GRIK2: variants seen among roughly 807,000 people sequenced by gnomAD.
The protein encoded by GRIK2 is glutamate ionotropic receptor kainate type subunit 2.
GRIK2 carries 32 observed loss-of-function variants against 100.3 expected under a neutral mutation model. The ratio of observed to expected loss-of-function variants is 0.32; its 90% CI spans 0.24 to 0.43. The LOEUF is 0.43. GRIK2 is among the 20% of genes least tolerant of loss of function. The pLI is 1.00. For synonymous variants in GRIK2, 417 were observed against 389.4 expected, an observed-to-expected ratio of 1.07 and a Z score of -0.83; for missense variants, 843 against 1,114.9, an observed-to-expected ratio of 0.76 and a Z score of 3.47.
chr6:101,421,143 C>T (rs964410965), intron 2 of GRIK2, among the ~76,000 whole-genome samples: 2 of 152,168 alleles, frequency 1.3e-5, no homozygotes, highest in African/African-American at 4.8e-5. Context: ...TGGGACAACT[C>T]GGGATGTCTA....
intron 2 of GRIK2, among the ~76,000 whole-genome samples, chr6:101,451,138 T>A (rs1326160428): frequency 6.6e-6 from 1 of 151,748 alleles, no homozygotes; most frequent in Admixed American, 6.6e-5. Context: ...CTTCTCAAAC[T>A]CCTTATCCTG....
intron 1 of GRIK2, among the ~76,000 whole-genome samples, chr6:101,398,075 C>T (rs1775087023): frequency 6.6e-6 from 1 of 152,008 alleles, no homozygotes; most frequent in Non-Finnish European, 1.5e-5. Flanking sequence ...TCTAAATATT[C>T]CTACCAGAAA....
chr6:101,414,553 G>C (rs891499079), intron 2 of GRIK2, among the ~76,000 whole-genome samples: 1 of 152,136 alleles, frequency 6.6e-6, no homozygotes, highest in Non-Finnish European at 1.5e-5. Flanking sequence ...CTGCAGATTT[G>C]GGTATTTCAG....
intron 14 of GRIK2, among the ~76,000 whole-genome samples, chr6:101,990,560 A>T (rs1331187981): frequency 6.6e-6 from 1 of 151,636 alleles, no homozygotes; most frequent in East Asian, 1.9e-4. Context: ...ACTTAGCATG[A>T]GAGAGACAGA....
chr6:102,011,203 G>A (rs935403674), intron 14 of GRIK2, among the ~76,000 whole-genome samples: 9 of 152,110 alleles, frequency 5.9e-5, no homozygotes, highest in Non-Finnish European at 1.3e-4. Context: ...TCTTACTAAT[G>A]TTAGATGTTG....
At chr6:101,927,980 G>A (rs1469790127) in intron 13 of GRIK2, 1 of 162,672 alleles carries the variant, frequency 6.1e-6, no homozygotes, top group African/African-American at 2.4e-5. Context: ...CACATGAAAA[G>A]TGAAATTTAC....
At chr6:101,583,344 GCTT>G (rs1778193478) in intron 2 of GRIK2, among the ~76,000 whole-genome samples, 1 of 152,122 alleles carries the variant, frequency 6.6e-6, no homozygotes, top group African/African-American at 2.4e-5. Context: ...AGCTCTTAGG[GCTT>G]TTGGAGCAAA....
At chr6:101,952,910 A>G (rs1387015324) in intron 14 of GRIK2, among the ~76,000 whole-genome samples, 1 of 152,224 alleles carries the variant, frequency 6.6e-6, no homozygotes, top group African/African-American at 2.4e-5. Flanking sequence ...TTTTGAAAAT[A>G]AACCATGTAC....
In GRIK2 at chr6:102,027,158, A is replaced by T. The variant is rs983159150; in HGVS notation, c.2086-8183A>T. On this transcript the variant is annotated intron_variant, in intron 14 of 16. Coordinates refer to ENST00000369134, the MANE Select transcript of GRIK2 (RefSeq NM_021956.5). ...AATTATTATTATAGCACTATAGCCA[A>T]ATATTTAAGTTAGCATTATAAACAA... is the stretch of plus-strand genomic sequence containing the variant. 9.2e-5 allele frequency among the ~76,000 whole-genome samples: 14 copies of T among 151,450 alleles called. No individual in the cohort carries two copies. The South Asian group carries it at 2.9e-3, about 31-fold the overall frequency.
chr6:101,728,155 A>C (rs1314784836), intron 7 of GRIK2, among the ~76,000 whole-genome samples: 3 of 152,076 alleles, frequency 2.0e-5, no homozygotes, highest in Non-Finnish European at 4.4e-5. Flanking sequence ...CTTATCACAT[A>C]TAATTATTTT....
chr6:101,686,409 T>C (rs754651521), intron 7 of GRIK2, 56 bp downstream of exon 7: 26 of 1,338,002 alleles, frequency 1.9e-5, no homozygotes, highest in Non-Finnish European at 2.5e-5. Context: ...ATTGCATACA[T>C]ATGAACTTCT....
intron 2 of GRIK2, among the ~76,000 whole-genome samples, chr6:101,506,425 T>G (rs1774029545): frequency 1.3e-5 from 2 of 152,182 alleles, no homozygotes; most frequent in Non-Finnish European, 2.9e-5. Context: ...GTGCCAAACA[T>G]ATTTAATTTA....
chr6:101,984,448 G>C (rs1315597826), intron 14 of GRIK2, among the ~76,000 whole-genome samples: 2 of 151,530 alleles, frequency 1.3e-5, no homozygotes, highest in Non-Finnish European at 3.0e-5. Context: ...CCGTTGACTG[G>C]AACTTAATTA....
At position 102,053,000 on chromosome 6, in the gene GRIK2, A is replaced by G. The variant is rs9377334; in HGVS notation, c.2312-2330A>G. Among the ~76,000 whole-genome samples the G allele has an allele frequency of 1.6e-4, 25 of 151,920 alleles. No homozygotes were observed. The East Asian group carries it at 4.5e-3, about 27-fold the overall frequency. On this transcript the variant is annotated intron_variant, in intron 15 of 16. Coordinates refer to ENST00000369134, the MANE Select transcript of GRIK2 (RefSeq NM_021956.5). The stretch of plus-strand genomic sequence containing the variant: ...GGAGAATCACTTGAGCCTGGGAGGC[A>G]GAGGTTGCAGTGAGCCAAGATCCCA...
chr6:101,761,752 T>C (rs1464425331), intron 7 of GRIK2, among the ~76,000 whole-genome samples: 1 of 149,732 alleles, frequency 6.7e-6, no homozygotes, highest in Non-Finnish European at 1.5e-5. Flanking sequence ...AATCAGATTT[T>C]ACAATAATGC....
intron 12 of GRIK2, among the ~76,000 whole-genome samples, chr6:101,916,445 C>T (rs570949536): frequency 1.1e-4 from 17 of 151,526 alleles, no homozygotes; most frequent in East Asian, 7.8e-4. Context: ...GTCTTCTATT[C>T]GAGTGAAAAT....
intron 7 of GRIK2, among the ~76,000 whole-genome samples, chr6:101,753,388 A>G (rs1776925082): frequency 6.6e-6 from 1 of 152,172 alleles, no homozygotes; most frequent in Non-Finnish European, 1.5e-5. Flanking sequence ...CTAAGAAGCA[A>G]GGGCATTTTA....
chr6:101,763,405 C>T (rs1777850773), intron 7 of GRIK2, among the ~76,000 whole-genome samples: 1 of 152,172 alleles, frequency 6.6e-6, no homozygotes, highest in South Asian at 2.1e-4. Flanking sequence ...TCTGATTAAA[C>T]AACACAAATT....
intron 2 of GRIK2, among the ~76,000 whole-genome samples, chr6:101,482,573 A>G (rs1343599577): frequency 6.6e-6 from 1 of 152,196 alleles, no homozygotes; most frequent in African/African-American, 2.4e-5. Context: ...TATCAGAGCA[A>G]ATCTAGTGGG....
Sources: gnomAD v4.1 joint callset for allele counts (sites outside exome capture counted in the v4.1 genomes callset) on GRCh38, gnomAD v4.1.1 for gene constraint, MANE v1.5 for transcripts, NCBI Gene and HGNC (gene_info 2026-07-23, HGNC 2026-07-21) for gene names.